Variants in PTPRT observed in about 807,000 individuals in gnomAD.
The protein encoded by PTPRT is protein tyrosine phosphatase receptor type T.
In PTPRT, 56 loss-of-function variants were observed where a neutral mutation model predicts 176.8. The observed-to-expected ratio is 0.32, with a 90% CI of 0.26 to 0.40. The LOEUF is 0.40. Ranked by LOEUF, PTPRT falls within the 10% of genes least tolerant of loss-of-function variation. The pLI is 1.00. For synonymous variants in PTPRT, 783 were observed against 739.0 expected (o/e 1.06, Z -0.96); for missense variants, 1,540 against 1,908.2 (o/e 0.81, Z 3.60).
intron 13 of PTPRT, among the ~76,000 whole-genome samples, chr20:42,277,545 T>C (rs1203417073): frequency 1.3e-5 from 2 of 152,158 alleles, no homozygotes; most frequent in Non-Finnish European, 2.9e-5. Flanking sequence ...CAAATTTCAT[T>C]TTCTGAAAGG....
At position 42,161,389 on chromosome 20, in the gene PTPRT, T is replaced by C. The variant is rs764189636; in HGVS notation, c.2645A>G (p.Lys882Arg). Residue 882 changes from lysine (K) to arginine (R), a missense_variant, in exon 17 of 31, where the codon AAG becomes AGG. By Grantham distance (26) the Lys-to-Arg change is conservative. This residue lies in a region of PTPRT where 255 missense variants were observed against 250.1 expected (regional missense o/e 1.02). Transcript: ENST00000373187. ...CTTGAACCCGTAGCCCTGGCCTCTC[T>C]TCATCTGCGTGATGTGCTGCAGCAA... ...ADLLQHITQM[K>R]RGQGYGFKEE... 3 of 1,614,172 alleles carry C rather than the reference T, an allele frequency of 1.9e-6. No individual in the cohort carries two copies. The highest frequency in any genetic ancestry group is 2.5e-6 in the Non-Finnish European group (3 of 1,180,030).
intron 20 of PTPRT, among the ~76,000 whole-genome samples, chr20:42,119,562 G>A (rs991035340): frequency 3.9e-5 from 6 of 152,176 alleles, no homozygotes; most frequent in Admixed American, 6.5e-5. Flanking sequence ...TGCACCTATC[G>A]TGGAGATAAG....
At chr20:42,992,867 TG>T (rs1983997900) in intron 1 of PTPRT, among the ~76,000 whole-genome samples, 1 of 152,198 alleles carries the variant, frequency 6.6e-6, no homozygotes, top group Non-Finnish European at 1.5e-5. Context: ...CCTCTCCATG[TG>T]GTCTTTCATG....
At chr20:42,379,601 T>C (rs913299457) in intron 9 of PTPRT, among the ~76,000 whole-genome samples, 3 of 152,224 alleles carry the variant, frequency 2.0e-5, no homozygotes, top group Non-Finnish European at 4.4e-5. Flanking sequence ...TCCACATTCC[T>C]ACAAAGGAGT....
intron 7 of PTPRT, among the ~76,000 whole-genome samples, chr20:42,554,671 A>G (rs556906281): frequency 6.6e-6 from 1 of 152,330 alleles, no homozygotes; most frequent in South Asian, 2.1e-4. Context: ...GTGCAGGCCC[A>G]TAAACCCGAG....
intron 7 of PTPRT, among the ~76,000 whole-genome samples, chr20:42,587,275 T>G (rs1026019466): frequency 1.3e-5 from 2 of 152,216 alleles, no homozygotes; most frequent in African/African-American, 2.4e-5. Flanking sequence ...CTGGGTCACT[T>G]GCTACTGCAA....
chr20:42,110,212 A>T, intron 23 of PTPRT, 121 bp downstream of exon 23: 1 of 885,088 alleles, frequency 1.1e-6, no homozygotes, highest in Non-Finnish European at 1.6e-6. Context: ...ATGACCAGCT[A>T]AGTTTTTGTA....
intron 1 of PTPRT, among the ~76,000 whole-genome samples, chr20:42,923,217 G>A (rs536363880): frequency 3.3e-4 from 51 of 152,266 alleles, no homozygotes; most frequent in African/African-American, 6.0e-4. Flanking sequence ...AAGGACTTCT[G>A]GGTTCACAGG....
chr20:43,179,171 C>T (rs2015189607), intron 1 of PTPRT, among the ~76,000 whole-genome samples: 1 of 152,182 alleles, frequency 6.6e-6, no homozygotes, highest in Non-Finnish European at 1.5e-5. Context: ...GCCCTAAACA[C>T]AGTTACCTTG....
chr20:42,590,927 C>CGT (rs11468131), intron 7 of PTPRT, among the ~76,000 whole-genome samples: 9,323 of 131,000 alleles, frequency 0.071, 329 homozygotes, highest in Non-Finnish European at 0.094. Context: ...AGAGATTTAG[C>CGT]GTGTGTGTGT....
chr20:42,085,685 TGGGGA>T (rs745967830), intron 28 of PTPRT, 38 bp downstream of exon 28: 6 of 1,610,876 alleles, frequency 3.7e-6, no homozygotes, highest in Non-Finnish European at 8.5e-7. Context: ...CCATCTGTCT[TGGGGA>T]GGAGGGGCTC....
chr20:42,403,460 C>A (rs2058930965), intron 9 of PTPRT, among the ~76,000 whole-genome samples: 1 of 152,142 alleles, frequency 6.6e-6, no homozygotes, highest in African/African-American at 2.4e-5. Flanking sequence ...CAAATAGTTA[C>A]TACTACTACC....
At chr20:42,542,548 A>C (rs2072602606) in intron 7 of PTPRT, among the ~76,000 whole-genome samples, 1 of 152,184 alleles carries the variant, frequency 6.6e-6, no homozygotes, top group African/African-American at 2.4e-5. Flanking sequence ...GGAAACAAGC[A>C]CTGTTATGTA....
At chr20:42,527,950 T>A (rs1170001406) in intron 7 of PTPRT, among the ~76,000 whole-genome samples, 3 of 152,206 alleles carry the variant, frequency 2.0e-5, no homozygotes, top group Admixed American at 6.5e-5. Flanking sequence ...GAATATAGAA[T>A]CTTTTAAAAT....
intron 9 of PTPRT, among the ~76,000 whole-genome samples, chr20:42,358,961 A>C (rs2058395196): frequency 6.6e-6 from 1 of 152,310 alleles, no homozygotes; most frequent in Middle Eastern, 3.4e-3. Flanking sequence ...TTCGAGGGTA[A>C]TATAGAGCCA....
intron 1 of PTPRT, among the ~76,000 whole-genome samples, chr20:42,930,701 A>C (rs936771259): frequency 3.3e-5 from 5 of 151,872 alleles, no homozygotes; most frequent in African/African-American, 1.2e-4. Context: ...GCTGGTCTTG[A>C]ACTCGTAGCC....
chr20:42,500,459 T>C (rs997088128), intron 7 of PTPRT, among the ~76,000 whole-genome samples: 4 of 152,136 alleles, frequency 2.6e-5, no homozygotes, highest in African/African-American at 7.2e-5. Flanking sequence ...TATTTATAAT[T>C]TGTTGTAATC....
chr20:42,658,910 A>T (rs1044702933), intron 7 of PTPRT, among the ~76,000 whole-genome samples: 2 of 152,122 alleles, frequency 1.3e-5, no homozygotes, highest in African/African-American at 2.4e-5. Flanking sequence ...ACTCAACAAC[A>T]TTTACATATT....
intron 1 of PTPRT, among the ~76,000 whole-genome samples, chr20:43,097,551 C>A (rs1275840780): frequency 2.0e-5 from 3 of 152,200 alleles, no homozygotes; most frequent in Admixed American, 2.0e-4. Flanking sequence ...TCCCAGTTCA[C>A]AGTTGCAGAA....
Sources: allele counts gnomAD v4.1 joint callset (sites outside exome capture counted in the v4.1 genomes callset), GRCh38; gene constraint gnomAD v4.1.1; regional missense constraint gnomAD v4.1.1; transcripts MANE v1.5; gene names NCBI Gene and HGNC (gene_info 2026-07-23, HGNC 2026-07-21).